Variants in ENAH observed in about 807,000 individuals in gnomAD.
ENAH encodes protein enabled homolog.
Under a neutral mutation model 78.7 loss-of-function variants are expected in ENAH, and 23 were observed. The ratio of observed to expected loss-of-function variants is 0.29; its 90% CI spans 0.21 to 0.41. The LOEUF (loss-of-function observed/expected upper bound fraction) is 0.41, where lower values mean the gene tolerates loss of function less well. Ranked by LOEUF, ENAH falls within the 10% of genes least tolerant of loss-of-function variation. The pLI, the probability that ENAH is intolerant of heterozygous loss-of-function variation, is 1.00. For synonymous variants in ENAH, 226 were observed against 241.0 expected (o/e 0.94, Z 0.58); for missense variants, 544 against 691.0 (o/e 0.79, Z 2.39).
chr1:225,498,240 C>T, intron 13 of ENAH, 107 bp downstream of exon 13: 1 of 857,884 alleles, frequency 1.2e-6, no homozygotes. Flanking sequence ...CTATGGAAGT[C>T]ATTGCCCTCA....
At chr1:225,568,729 G>A (rs1436343418) in intron 1 of ENAH, among the ~76,000 whole-genome samples, 4 of 152,182 alleles carry the variant, frequency 2.6e-5, no homozygotes, top group South Asian at 2.1e-4. Flanking sequence ...ACCCATCCAA[G>A]AGGGATAATG....
At chr1:225,539,864 C>T (rs1486709610) in intron 3 of ENAH, among the ~76,000 whole-genome samples, 2 of 152,200 alleles carry the variant, frequency 1.3e-5, no homozygotes, top group African/African-American at 2.4e-5. Flanking sequence ...CTAGAACTTT[C>T]TGGCAGTCAA....
chr1:225,620,727 G>A (rs139265908), intron 1 of ENAH, among the ~76,000 whole-genome samples: 14 of 151,826 alleles, frequency 9.2e-5, no homozygotes, highest in East Asian at 3.9e-4. Context: ...AGATAGGGCC[G>A]GGTGCAGTGG....
rs1375318611 is a variant in ENAH at position 225,487,992 on chromosome 1, G to A, written c.*9783C>T. 1 of 151,532 alleles carries A rather than the reference G, an allele frequency of 6.6e-6. No individual in the cohort carries two copies. The highest frequency in any genetic ancestry group is 1.5e-5 in the Non-Finnish European group (1 of 67,944). 9.4% of individuals were successfully genotyped at this position (151,532 alleles called of 1,614,324 possible). On this transcript the variant is annotated 3_prime_UTR_variant, in exon 14 of 14. Coordinates refer to ENST00000366843, the MANE Select transcript of ENAH (RefSeq NM_018212.6). ...AAATCTCATAATAGAAATTATGTAC[G>A]TTGTTCTTTAACCAGAAAGGTTCAC...
Position 225,543,018 on chromosome 1 carries a change from TAAAAAA to T in ENAH, c.349+11882_349+11887del, listed in dbSNP as rs74643486. 2.2e-5 allele frequency among the ~76,000 whole-genome samples: 3 copies of T among 134,456 alleles called. No homozygotes were observed. The East Asian group carries it at 6.4e-4, about 29-fold the overall frequency. 88.2% of individuals were successfully genotyped at this position (134,456 alleles called of 152,430 possible). ...TGGGCAACAGAGCAAGACTCTCTCTTAAAAAAAAAAAAAAAAGTTCTGTACTTTATT... is the reference window on the plus strand; with the variant it reads ...TGGGCAACAGAGCAAGACTCTCTCTTAAAAAAAAAAGTTCTGTACTTTATT... On this transcript the variant is annotated intron_variant, in intron 3 of 13. Coordinates refer to ENST00000366843, the MANE Select transcript of ENAH (RefSeq NM_018212.6).
At chr1:225,631,559 G>C (rs907283366) in intron 1 of ENAH, among the ~76,000 whole-genome samples, 1 of 135,006 alleles carries the variant, frequency 7.4e-6, no homozygotes, top group African/African-American at 2.9e-5. Context: ...GAGTGACAGA[G>C]CAAGACACCA....
chr1:225,547,096 G>C (rs2096618216), intron 3 of ENAH, among the ~76,000 whole-genome samples: 1 of 151,500 alleles, frequency 6.6e-6, no homozygotes, highest in African/African-American at 2.4e-5. Context: ...TTTTGAGACG[G>C]AGTCTCACTC....
At chr1:225,569,521 T>C (rs2096750456) in intron 1 of ENAH, among the ~76,000 whole-genome samples, 1 of 152,218 alleles carries the variant, frequency 6.6e-6, no homozygotes, top group Non-Finnish European at 1.5e-5. Flanking sequence ...AGTAAGATCA[T>C]ATAAGCTAAA....
At chr1:225,595,735 T>C (rs1424999289) in intron 1 of ENAH, among the ~76,000 whole-genome samples, 3 of 152,148 alleles carry the variant, frequency 2.0e-5, no homozygotes, top group African/African-American at 7.2e-5. Context: ...TAGCTAAAAA[T>C]ATAAAGTTCA....
Position 225,539,091 on chromosome 1 carries a change from G to A in ENAH, c.350-8453C>T, listed in dbSNP as rs536455070. Among the ~76,000 whole-genome samples the A allele has an allele frequency of 3.3e-5, 5 of 152,264 alleles. No individual in the cohort carries two copies. The South Asian group carries it at 1.0e-3, about 32-fold the overall frequency. On this transcript the variant is annotated intron_variant, in intron 3 of 13. Transcript: ENST00000366843. ...ACAATTAGCATCTATCAGAGTGTTG[G>A]TTGACTCTTTAATCAGAGCTCTTAT...
intron 1 of ENAH, among the ~76,000 whole-genome samples, chr1:225,608,439 GA>G (rs1410425131): frequency 2.7e-5 from 4 of 149,404 alleles, no homozygotes; most frequent in Non-Finnish European, 5.9e-5. Flanking sequence ...CTCACATTAA[GA>G]AATATCATTA....
chr1:225,613,952 A>G (rs2097008177), intron 1 of ENAH, among the ~76,000 whole-genome samples: 1 of 152,192 alleles, frequency 6.6e-6, no homozygotes, highest in African/African-American at 2.4e-5. Flanking sequence ...TTCTGGCCCA[A>G]TAGCTCTAAA....
At chr1:225,541,364 G>A (rs1262910044) in intron 3 of ENAH, among the ~76,000 whole-genome samples, 1 of 152,136 alleles carries the variant, frequency 6.6e-6, no homozygotes, top group Non-Finnish European at 1.5e-5. Flanking sequence ...GAACCCGGGA[G>A]GCGGAGGTTG....
chr1:225,533,054 A>C (rs2096545641), intron 3 of ENAH, among the ~76,000 whole-genome samples: 1 of 152,014 alleles, frequency 6.6e-6, no homozygotes, highest in African/African-American at 2.4e-5. Context: ...TCACATCTAC[A>C]TTTAATCTGG....
At position 225,489,071 on chromosome 1, in the gene ENAH, T is replaced by C. The variant is rs1035530401; in HGVS notation, c.*8704A>G. ...TAAACAGCAGCACAGCAGGTTCAGA[T>C]GATATGAAAACCACTGAATTCTGCC... On this transcript the variant is annotated 3_prime_UTR_variant, in exon 14 of 14. Transcript: ENST00000366843. 6.6e-6 allele frequency: 1 copy of C among 152,208 alleles called. No individual in the cohort carries two copies. The highest frequency in any genetic ancestry group is 2.4e-5 in the African/African-American group (1 of 41,444). 9.4% of individuals were successfully genotyped at this position (152,208 alleles called of 1,614,324 possible).
Position 225,514,662 on chromosome 1 carries a change from T to C in ENAH, c.1152A>G (p.Glu384=). Residue 384 remains glutamate, a synonymous_variant, in exon 7 of 14, where the codon GAA becomes GAG. Transcript: ENST00000366843. ...CAAGTCCAGTTAAAGGGCGATTGTC[T>C]TCTGACATGGATGCCAAAAAGAATC... The part of the protein sequence containing the change: ...ASGFFLASMS[E]DNRPLTGLAA... 6.2e-7 allele frequency: 1 copy of C among 1,612,262 alleles called. No individual in the cohort carries two copies. Among genetic ancestry groups the C allele is most frequent in the South Asian group, 1.1e-5 (1 of 90,954 alleles).
chr1:225,532,639 T>A (rs1410800652), intron 3 of ENAH, among the ~76,000 whole-genome samples: 2 of 152,248 alleles, frequency 1.3e-5, no homozygotes, highest in East Asian at 1.9e-4. Context: ...AACAGGTTTT[T>A]AAAAAACTAA....
chr1:225,519,139 A>G, intron 5 of ENAH, 59 bp downstream of exon 5: 3 of 1,582,206 alleles, frequency 1.9e-6, no homozygotes, highest in Non-Finnish European at 2.6e-6. Flanking sequence ...ACATGACTGC[A>G]CAAGAGACAT....
At chr1:225,631,571 C>A (rs1659066601) in intron 1 of ENAH, among the ~76,000 whole-genome samples, 2 of 129,268 alleles carry the variant, frequency 1.5e-5, no homozygotes, top group Admixed American at 7.5e-5. Context: ...AAGACACCAT[C>A]TCTCAAAAAA....
Sources: gnomAD v4.1 joint callset for allele counts (sites outside exome capture counted in the v4.1 genomes callset) on GRCh38, gnomAD v4.1.1 for gene constraint, MANE v1.5 for transcripts, NCBI Gene and HGNC (gene_info 2026-07-23, HGNC 2026-07-21) for gene names.